PTPRD: variants seen among roughly 807,000 people sequenced by gnomAD.
PTPRD encodes receptor-type tyrosine-protein phosphatase delta.
In PTPRD, 34 loss-of-function variants were observed where a neutral mutation model predicts 214.5. The ratio of observed to expected loss-of-function variants is 0.16; its 90% CI spans 0.12 to 0.21. The LOEUF (loss-of-function observed/expected upper bound fraction) is 0.21, where lower values mean the gene tolerates loss of function less well. PTPRD is among the 10% of genes least tolerant of loss of function. PTPRD has a pLI of 1.00. For missense variants in PTPRD, 2,545 were observed against 2,398.7 expected, an observed-to-expected ratio of 1.06 and a Z score of -1.27; for synonymous variants, 1,128 against 845.7, an observed-to-expected ratio of 1.33 and a Z score of -5.79.
chr9:9,951,449 A>G (rs1409249567), intron 4 of PTPRD, among the ~76,000 whole-genome samples: 1 of 152,212 alleles, frequency 6.6e-6, no homozygotes, highest in African/African-American at 2.4e-5. Flanking sequence ...ATGAAACAAA[A>G]TTCATGAGAA....
At chr9:10,429,877 C>T (rs1016334213) in intron 2 of PTPRD, among the ~76,000 whole-genome samples, 2 of 151,842 alleles carry the variant, frequency 1.3e-5, no homozygotes, top group Non-Finnish European at 2.9e-5. Flanking sequence ...CTTCCTTAGA[C>T]AAAATTAAGG....
intron 4 of PTPRD, among the ~76,000 whole-genome samples, chr9:9,980,008 T>A (rs1030604647): frequency 1.4e-4 from 21 of 152,098 alleles, no homozygotes; most frequent in African/African-American, 5.1e-4. Context: ...GAGAGGAGAA[T>A]TATAAATTGA....
At chr9:9,288,397 T>C (rs1458889562) in intron 9 of PTPRD, among the ~76,000 whole-genome samples, 1 of 152,036 alleles carries the variant, frequency 6.6e-6, no homozygotes, top group East Asian at 2.0e-4. Flanking sequence ...AACATTTTAA[T>C]ATAGACTTAT....
chr9:9,006,868 T>A (rs1238061800), intron 11 of PTPRD, among the ~76,000 whole-genome samples: 2 of 151,958 alleles, frequency 1.3e-5, no homozygotes, highest in Admixed American at 1.3e-4. Context: ...GAAATGATTT[T>A]AAAAAATATT....
chr9:8,504,501 T>G, intron 22 of PTPRD, 96 bp from the exon 23 acceptor site: 1 of 1,361,756 alleles, frequency 7.3e-7, no homozygotes, highest in Non-Finnish European at 1.0e-6. Context: ...ATCATCAGGA[T>G]TATAATCTCA....
At position 10,248,327 on chromosome 9, in the gene PTPRD, C is replaced by G. The variant is rs573546687; in HGVS notation, c.-545+92636G>C. On this transcript the variant is annotated intron_variant, in intron 3 of 45. Transcript: ENST00000381196. ...TACTTAAGAACATACATAAAAATTA[C>G]GAATTATTACCATTCTACAACCTCT... Among the ~76,000 whole-genome samples, 6 of 151,820 alleles carry G rather than the reference C, an allele frequency of 4.0e-5. No individual in the cohort carries two copies. In the South Asian group the frequency reaches 1.3e-3, roughly 32 times the overall value.
At chr9:10,164,606 T>C (rs1239079982) in intron 3 of PTPRD, among the ~76,000 whole-genome samples, 3 of 151,664 alleles carry the variant, frequency 2.0e-5, no homozygotes, top group African/African-American at 7.2e-5. Flanking sequence ...AAATTATATG[T>C]GATTTGCATC....
chr9:8,411,853 G>A (rs1268819704), intron 35 of PTPRD, among the ~76,000 whole-genome samples: 1 of 152,100 alleles, frequency 6.6e-6, no homozygotes, highest in Non-Finnish European at 1.5e-5. Flanking sequence ...TATAGTTGAT[G>A]TTCTTAAGAA....
chr9:9,836,592 G>C (rs2056829660), intron 5 of PTPRD, among the ~76,000 whole-genome samples: 1 of 152,130 alleles, frequency 6.6e-6, no homozygotes, highest in East Asian at 1.9e-4. Flanking sequence ...GAACCTGAAA[G>C]TAATATCAAT....
chr9:8,508,374 C>A lies in PTPRD; in HGVS notation c.1544-940G>T, dbSNP rs537965682. On this transcript the variant is annotated intron_variant, in intron 21 of 45. Transcript: ENST00000381196. ...TCAGTTCCCCTCTATCCATTATACA[C>A]AAGGCTGAGTCAGGGTGTCGCTGGC... 2.6e-5 allele frequency among the ~76,000 whole-genome samples: 4 copies of A among 152,304 alleles called. No homozygotes were observed. In the South Asian group the frequency reaches 8.3e-4, roughly 32 times the overall value.
chr9:9,840,470 T>C lies in PTPRD; in HGVS notation c.-367-73619A>G, dbSNP rs2153634120. Among the ~76,000 whole-genome samples the C allele has an allele frequency of 2.6e-5, 4 of 152,274 alleles. 1 individual carries two copies. The South Asian group carries it at 8.3e-4, about 32-fold the overall frequency. On this transcript the variant is annotated intron_variant, in intron 5 of 45. Transcript: ENST00000381196. Reference sequence around the variant, plus strand: ...ATAAAACAAAGTAAATACGTAAATGTGATTTGCCTAATAATGGCATGCCTG... The same window carrying C: ...ATAAAACAAAGTAAATACGTAAATGCGATTTGCCTAATAATGGCATGCCTG...
intron 5 of PTPRD, among the ~76,000 whole-genome samples, chr9:9,869,364 T>G (rs928484975): frequency 2.0e-5 from 3 of 152,142 alleles, no homozygotes; most frequent in Admixed American, 6.5e-5. Context: ...TATTAATGGA[T>G]TCCAAAATCA....
At chr9:10,596,048 CAAAT>C (rs532090482) in intron 2 of PTPRD, among the ~76,000 whole-genome samples, 1 of 151,726 alleles carries the variant, frequency 6.6e-6, no homozygotes, top group Non-Finnish European at 1.5e-5. Context: ...TATATACACA[CAAAT>C]AGATACATGC....
intron 10 of PTPRD, among the ~76,000 whole-genome samples, chr9:9,067,006 G>A (rs746967000): frequency 6.6e-5 from 10 of 152,222 alleles, no homozygotes; most frequent in African/African-American, 2.2e-4. Flanking sequence ...ACTTTGGGAG[G>A]CTGAGGTGGG....
chr9:8,834,911 G>A (rs1228381800), intron 11 of PTPRD, among the ~76,000 whole-genome samples: 2 of 152,200 alleles, frequency 1.3e-5, no homozygotes, highest in Non-Finnish European at 2.9e-5. Flanking sequence ...AGGCAGCTTA[G>A]TGAGTAACTC....
chr9:9,211,460 G>C (rs1438505088), intron 9 of PTPRD, among the ~76,000 whole-genome samples: 3 of 150,556 alleles, frequency 2.0e-5, no homozygotes, highest in South Asian at 4.2e-4. Flanking sequence ...TTTCATCACT[G>C]GTTTTCCTTC....
At chr9:9,049,054 T>C (rs1041687921) in intron 10 of PTPRD, among the ~76,000 whole-genome samples, 15 of 152,222 alleles carry the variant, frequency 9.9e-5, no homozygotes, top group African/African-American at 1.9e-4. Flanking sequence ...TGCCATCCCT[T>C]GCTATATACC....
chr9:9,640,224 C>T (rs2095893385), intron 7 of PTPRD, among the ~76,000 whole-genome samples: 2 of 152,068 alleles, frequency 1.3e-5, no homozygotes, highest in Admixed American at 1.3e-4. Flanking sequence ...TGCATGTGAT[C>T]TAAATATGGC....
chr9:8,464,539 A>AAATC (rs2134399930), intron 32 of PTPRD, among the ~76,000 whole-genome samples: 1 of 152,032 alleles, frequency 6.6e-6, no homozygotes, highest in East Asian at 1.9e-4. Flanking sequence ...TGATGTGGAG[A>AAATC]AATCTTTGAT....
Sources: allele counts gnomAD v4.1 joint callset (sites outside exome capture counted in the v4.1 genomes callset), GRCh38; gene constraint gnomAD v4.1.1; transcripts MANE v1.5; gene names NCBI Gene and HGNC (gene_info 2026-07-23, HGNC 2026-07-21).